The following KCNMA1 variants were observed in gnomAD, a reference collection of about 807,000 sequenced individuals.
KCNMA1 encodes Calcium-activated potassium channel subunit alpha-1.
KCNMA1 carries 29 observed loss-of-function variants against 140.0 expected under a neutral mutation model. The observed-to-expected ratio is 0.21, with a 90% CI of 0.15 to 0.28. The LOEUF (loss-of-function observed/expected upper bound fraction) is 0.28. Among genes scored for constraint, KCNMA1 ranks in the 10% least tolerant of loss-of-function variants. KCNMA1 has a pLI of 1.00. For synonymous variants in KCNMA1, 612 were observed against 611.9 expected (o/e 1.00, Z 0.00); for missense variants, 880 against 1,602.2 (o/e 0.55, Z 7.70).
At chr10:76,948,704 CTG>C (rs2065150894) in intron 22 of KCNMA1, among the ~76,000 whole-genome samples, 1 of 152,150 alleles carries the variant, frequency 6.6e-6, no homozygotes, top group Admixed American at 6.5e-5. Flanking sequence ...ATAAAGAACT[CTG>C]TTATTTGCAT....
intron 2 of KCNMA1, among the ~76,000 whole-genome samples, chr10:77,360,009 T>C (rs550776410): frequency 7.9e-4 from 120 of 152,244 alleles, no homozygotes; most frequent in Admixed American, 2.0e-3. Context: ...ATTAATAATA[T>C]GAACCACAAA....
chr10:77,471,065 A>T (rs568680080), intron 1 of KCNMA1, among the ~76,000 whole-genome samples: 2 of 151,892 alleles, frequency 1.3e-5, no homozygotes, highest in African/African-American at 4.8e-5. Context: ...AACACAACTC[A>T]TACTACACAC....
chr10:77,217,083 T>C (rs1178351311), intron 3 of KCNMA1, among the ~76,000 whole-genome samples: 1 of 152,112 alleles, frequency 6.6e-6, no homozygotes, highest in Non-Finnish European at 1.5e-5. Flanking sequence ...GGCGGGCGGA[T>C]CACCTGAGGT....
At chr10:77,323,740 C>T (rs1301103324) in intron 2 of KCNMA1, among the ~76,000 whole-genome samples, 1 of 152,214 alleles carries the variant, frequency 6.6e-6, no homozygotes, top group Non-Finnish European at 1.5e-5. Flanking sequence ...CTCCTGCCTC[C>T]TGTATCACTA....
At chr10:77,341,955 C>A (rs903633283) in intron 2 of KCNMA1, among the ~76,000 whole-genome samples, 2 of 152,190 alleles carry the variant, frequency 1.3e-5, no homozygotes, top group Non-Finnish European at 2.9e-5. Context: ...CATGGACAGA[C>A]CCCTCTGGCT....
rs2094809827 is a variant in KCNMA1, at chr10:77,042,786, A to G, written c.1750-3149T>C. 2.0e-5 allele frequency among the ~76,000 whole-genome samples: 3 copies of G among 152,190 alleles called. No individual in the cohort carries two copies. In the South Asian group the frequency reaches 6.2e-4, roughly 31 times the overall value. ...AAACTTTTTAAATAAGAAGGAACAC[A>G]TTTTTTGTAGGATAACAATATTATT... On this transcript the variant is annotated intron_variant, in intron 14 of 27. Transcript: ENST00000286628.
intron 1 of KCNMA1, among the ~76,000 whole-genome samples, chr10:77,541,476 A>C (rs72811581): frequency 0.012 from 1,895 of 152,292 alleles, 19 homozygotes; most frequent in Non-Finnish European, 0.02. Flanking sequence ...TAGAGAAGTT[A>C]GGTTACTTGT....
chr10:77,307,578 G>A (rs1215094114), intron 2 of KCNMA1, among the ~76,000 whole-genome samples: 3 of 152,110 alleles, frequency 2.0e-5, no homozygotes, highest in African/African-American at 7.2e-5. Flanking sequence ...ATGGAGTCTC[G>A]TTCCGTCACC....
intron 14 of KCNMA1, among the ~76,000 whole-genome samples, chr10:77,058,311 T>C (rs568843099): frequency 3.5e-4 from 54 of 152,186 alleles, no homozygotes; most frequent in African/African-American, 1.2e-3. Flanking sequence ...ACAGTTATAA[T>C]TGGAGACTTC....
rs200883692 is a variant in KCNMA1, at chr10:77,471,921, CAT to C, written c.379-67900_379-67899del. On this transcript the variant is annotated intron_variant, in intron 1 of 27. Coordinates refer to ENST00000286628, the MANE Select transcript of KCNMA1 (RefSeq NM_001161352.2). ...TGGTATACACACACTATACACACAC[CAT>C]ATATATATACACACCACATACACCA... is the stretch of plus-strand genomic sequence containing the variant. 2.3e-3 allele frequency among the ~76,000 whole-genome samples: 354 copies of C among 150,818 alleles called. 2 individuals are homozygous for C. The highest frequency in any genetic ancestry group is 8.1e-3 in the African/African-American group (331 of 41,016).
chr10:77,583,298 A>ATCAC (rs1260657009), intron 1 of KCNMA1, among the ~76,000 whole-genome samples: 1 of 152,240 alleles, frequency 6.6e-6, no homozygotes, highest in African/African-American at 2.4e-5. Context: ...AGGTCAATGC[A>ATCAC]TCACTGGCCC....
intron 5 of KCNMA1, among the ~76,000 whole-genome samples, chr10:77,157,624 G>C (rs947807452): frequency 6.6e-6 from 1 of 152,018 alleles, no homozygotes; most frequent in Non-Finnish European, 1.5e-5. Flanking sequence ...TCCTCTTCAC[G>C]CTGGAGCAAA....
intron 1 of KCNMA1, among the ~76,000 whole-genome samples, chr10:77,580,126 A>G (rs908927993): frequency 3.9e-5 from 6 of 152,222 alleles, no homozygotes; most frequent in African/African-American, 1.4e-4. Flanking sequence ...TCATGCCTGT[A>G]ATCCCAGCAC....
intron 5 of KCNMA1, among the ~76,000 whole-genome samples, chr10:77,173,648 G>C (rs575420557): frequency 2.0e-5 from 3 of 151,960 alleles, no homozygotes; most frequent in Non-Finnish European, 4.4e-5. Context: ...GCCCAAAAAG[G>C]GAAATCATAC....
chr10:76,912,201 C>A (rs529542170), intron 24 of KCNMA1: 7 of 152,326 alleles, frequency 4.6e-5, no homozygotes, highest in African/African-American at 1.7e-4. Flanking sequence ...CCCACGTAAT[C>A]ACCCCAAAGC....
At chr10:77,444,830 G>C (rs1296356243) in intron 1 of KCNMA1, among the ~76,000 whole-genome samples, 1 of 152,174 alleles carries the variant, frequency 6.6e-6, no homozygotes, top group Non-Finnish European at 1.5e-5. Context: ...ACACACCCAA[G>C]AGTTACCGAG....
At chr10:76,890,883 G>A (rs2039712933) in intron 26 of KCNMA1, among the ~76,000 whole-genome samples, 1 of 152,192 alleles carries the variant, frequency 6.6e-6, no homozygotes, top group South Asian at 2.1e-4. Flanking sequence ...ACAAGGTCTA[G>A]GTTTTGATTT....
chr10:77,513,277 G>T (rs1168167020), intron 1 of KCNMA1, among the ~76,000 whole-genome samples: 1 of 152,134 alleles, frequency 6.6e-6, no homozygotes, highest in African/African-American at 2.4e-5. Flanking sequence ...ATTTCCTCCT[G>T]GCTGGCTTCC....
intron 20 of KCNMA1, among the ~76,000 whole-genome samples, chr10:76,965,668 T>C (rs546983490): frequency 9.2e-5 from 14 of 152,200 alleles, no homozygotes; most frequent in Non-Finnish European, 1.8e-4. Context: ...TGTCCCTATG[T>C]CTTCCATCAT....
Sources: allele counts gnomAD v4.1 joint callset (sites outside exome capture counted in the v4.1 genomes callset), GRCh38; gene constraint gnomAD v4.1.1; transcripts MANE v1.5; gene names NCBI Gene and HGNC (gene_info 2026-07-23, HGNC 2026-07-21).